The following ANKRD22 variants were observed in gnomAD, a reference collection of about 807,000 sequenced individuals.
ANKRD22 encodes ankyrin repeat domain-containing protein 22.
ANKRD22 carries 24 observed loss-of-function variants against 25.7 expected under a neutral mutation model. The observed-to-expected ratio is 0.93, with a 90% CI of 0.68 to 1.31. The LOEUF is 1.31. Among genes scored for constraint, ANKRD22 ranks in the 50% most tolerant of loss-of-function variants. The pLI is 0.00. For missense variants in ANKRD22, 214 were observed against 227.1 expected (o/e 0.94, Z 0.37); for synonymous variants, 84 against 84.3 (o/e 1.00, Z 0.02).
chr10:88,845,218 G>A (rs966325107), intron 1 of ANKRD22, among the ~76,000 whole-genome samples: 18 of 152,182 alleles, frequency 1.2e-4, no homozygotes, highest in African/African-American at 4.1e-4. Context: ...GACTAAATGC[G>A]TATGTTTCTT....
chr10:88,848,032 C>A (rs12251421), intron 1 of ANKRD22, among the ~76,000 whole-genome samples: 4,290 of 151,840 alleles, frequency 0.028, 193 homozygotes, highest in African/African-American at 0.097. Flanking sequence ...GACTGTGACC[C>A]ATCACATGAG....
intron 1 of ANKRD22, among the ~76,000 whole-genome samples, chr10:88,846,784 C>T (rs140750059): frequency 2.6e-5 from 4 of 152,200 alleles, no homozygotes; most frequent in South Asian, 2.1e-4. Flanking sequence ...CCTGTCTCAT[C>T]GGCTGAAGTC....
At chr10:88,828,410 A>G (rs1260620301) in intron 3 of ANKRD22, 149 bp downstream of exon 3, 1 of 659,282 alleles carries the variant, frequency 1.5e-6, no homozygotes, top group Non-Finnish European at 2.6e-6. Context: ...ATAGCATTGG[A>G]TGTATGTTGA....
At chr10:88,840,604 C>T (rs375747109) in intron 1 of ANKRD22, among the ~76,000 whole-genome samples, 1 of 152,080 alleles carries the variant, frequency 6.6e-6, no homozygotes, top group Non-Finnish European at 1.5e-5. Flanking sequence ...TACAAGCTCC[C>T]CTCACTTAAA....
Position 88,822,547 on chromosome 10 carries a change from T to TTTTTTTTTTTTTTTTG in ANKRD22, c.*393_*394insCAAAAAAAAAAAAAAA, listed in dbSNP as rs1843809843. The TTTTTTTTTTTTTTTTG allele has an allele frequency of 1.1e-5, 1 of 94,384 alleles. No homozygotes were observed. The highest frequency in any genetic ancestry group is 4.8e-5 in the African/African-American group (1 of 20,692). 5.8% of individuals were successfully genotyped at this position (94,384 alleles called of 1,614,324 possible). On this transcript the variant is annotated 3_prime_UTR_variant, in exon 6 of 6. Coordinates refer to ENST00000371930, the MANE Select transcript of ANKRD22 (RefSeq NM_144590.3). Reference sequence around the variant, plus strand: ...GACTGAGTTTGGAACACCAGGGCTTTTTTTTTTTTTTTTTTTTTTGAGACA... The same window carrying TTTTTTTTTTTTTTTTG: ...GACTGAGTTTGGAACACCAGGGCTTTTTTTTTTTTTTTTTTGTTTTTTTTTTTTTTTTTTTGAGACA...
chr10:88,848,431 G>A (rs1844073774), intron 1 of ANKRD22, among the ~76,000 whole-genome samples: 1 of 152,002 alleles, frequency 6.6e-6, no homozygotes, highest in Non-Finnish European at 1.5e-5. Context: ...AATATACAAG[G>A]AAAGAATTAG....
chr10:88,844,520 G>A (rs1262492564), intron 1 of ANKRD22, among the ~76,000 whole-genome samples: 2 of 152,008 alleles, frequency 1.3e-5, no homozygotes, highest in African/African-American at 4.8e-5. Context: ...TCCAAAAAAG[G>A]TATTTCTAAT....
chr10:88,850,935 A>G (rs541264729), intron 1 of ANKRD22, among the ~76,000 whole-genome samples: 41 of 152,116 alleles, frequency 2.7e-4, no homozygotes, highest in Admixed American at 7.9e-4. Flanking sequence ...TGACATCATT[A>G]CACCTCTTGT....
At chr10:88,830,115 T>C (rs1843890590) in intron 2 of ANKRD22, among the ~76,000 whole-genome samples, 1 of 152,220 alleles carries the variant, frequency 6.6e-6, no homozygotes, top group Non-Finnish European at 1.5e-5. Flanking sequence ...CTTTTCATTT[T>C]TATAAATAAT....
chr10:88,830,454 G>C (rs183399063), intron 2 of ANKRD22, among the ~76,000 whole-genome samples: 61 of 152,166 alleles, frequency 4.0e-4, no homozygotes, highest in African/African-American at 1.4e-3. Flanking sequence ...TGTTTGTTTA[G>C]TGTTTCTGGA....
rs2133067989 is a variant in ANKRD22 at position 88,822,728 on chromosome 10, G to A, written c.*213C>T. 2.0e-6 allele frequency: 1 copy of A among 498,790 alleles called. No homozygotes were observed. The highest frequency in any genetic ancestry group is 3.7e-5 in the East Asian group (1 of 26,880). The allele number at this position is 498,790 out of a possible 1,614,324, so 30.9% of individuals were successfully genotyped here. On this transcript the variant is annotated 3_prime_UTR_variant, in exon 6 of 6. Transcript: ENST00000371930. ...AAGTGGAGACTACAACAACTTTAGT[G>A]TTTCCCTTAGAAGGATTACGGCCAT...
At chr10:88,836,810 T>A (rs907397026) in intron 1 of ANKRD22, among the ~76,000 whole-genome samples, 5 of 149,148 alleles carry the variant, frequency 3.4e-5, no homozygotes, top group African/African-American at 1.2e-4. Context: ...CATCAGAGAG[T>A]CTGCAGAAGA....
chr10:88,840,930 C>T (rs1373372005), intron 1 of ANKRD22, among the ~76,000 whole-genome samples: 1 of 152,082 alleles, frequency 6.6e-6, no homozygotes, highest in African/African-American at 2.4e-5. Context: ...AGGCCCACTC[C>T]GTCTCTGTGT....
chr10:88,835,540 G>T (rs1843945916), intron 1 of ANKRD22, among the ~76,000 whole-genome samples: 1 of 152,188 alleles, frequency 6.6e-6, no homozygotes, highest in Non-Finnish European at 1.5e-5. Flanking sequence ...TTACTGTACA[G>T]AATACTATAG....
intron 1 of ANKRD22, among the ~76,000 whole-genome samples, chr10:88,842,728 A>G (rs71479005): frequency 1.8e-4 from 28 of 152,174 alleles, no homozygotes; most frequent in Non-Finnish European, 3.1e-4. Flanking sequence ...GGATTAGAGG[A>G]CTAGCATGTA....
At chr10:88,836,242 G>A (rs544376843) in intron 1 of ANKRD22, among the ~76,000 whole-genome samples, 1 of 152,296 alleles carries the variant, frequency 6.6e-6, no homozygotes, top group African/African-American at 2.4e-5. Context: ...TAGACTGTAA[G>A]CTATATAAGG....
chr10:88,823,050 A>G (rs1302677636), intron 5 of ANKRD22, 32 bp from the exon 6 acceptor site: 3 of 1,592,010 alleles, frequency 1.9e-6, no homozygotes, highest in Non-Finnish European at 2.6e-6. Flanking sequence ...GTTATTTCCA[A>G]TAGAGTGCCC....
intron 1 of ANKRD22, among the ~76,000 whole-genome samples, chr10:88,835,900 G>A (rs1456198511): frequency 2.0e-5 from 3 of 152,088 alleles, no homozygotes; most frequent in Admixed American, 1.3e-4. Flanking sequence ...AAAGAGAAGA[G>A]GTTGTCCATT....
chr10:88,829,066 A>G (rs1843881893), intron 2 of ANKRD22, among the ~76,000 whole-genome samples: 1 of 152,244 alleles, frequency 6.6e-6, no homozygotes, highest in Non-Finnish European at 1.5e-5. Context: ...GTTTGTTCAT[A>G]GGAAAACTCT....
Sources: gnomAD v4.1 joint callset for allele counts (sites outside exome capture counted in the v4.1 genomes callset) on GRCh38, gnomAD v4.1.1 for gene constraint, MANE v1.5 for transcripts, NCBI Gene and HGNC (gene_info 2026-07-23, HGNC 2026-07-21) for gene names.